Variants in IRAK2 observed in about 807,000 individuals in gnomAD.
The protein encoded by IRAK2 is interleukin 1 receptor associated kinase 2, also known as interleukin-1 receptor-associated kinase-like 2.
IRAK2 carries 57 observed loss-of-function variants against 72.0 expected under a neutral mutation model. That is an observed-to-expected ratio of 0.79 (90% CI 0.64 to 0.99). The LOEUF is 0.99. IRAK2 is among the 50% of genes least tolerant of loss of function. IRAK2 has a pLI of 0.00. For synonymous variants in IRAK2, 293 were observed against 312.7 expected (o/e 0.94, Z 0.67); for missense variants, 790 against 794.4 (o/e 0.99, Z 0.07).
At chr3:10,222,887 G>T in intron 9 of IRAK2, 56 bp downstream of exon 9, 1 of 1,478,312 alleles carries the variant, frequency 6.8e-7, no homozygotes, top group South Asian at 1.2e-5. Flanking sequence ...TCCTTCCCAC[G>T]GCTCCTTTGT....
At chr3:10,241,853 G>T (rs1322204388) in intron 12 of IRAK2, among the ~76,000 whole-genome samples, 1 of 145,376 alleles carries the variant, frequency 6.9e-6, no homozygotes, top group Non-Finnish European at 1.5e-5. Flanking sequence ...CACGCCTGTA[G>T]TCCCTGCTAC....
At position 10,173,048 on chromosome 3, in the gene IRAK2, G is replaced by A. The variant is rs187020649; in HGVS notation, c.95-4790G>A. Among the ~76,000 whole-genome samples the A allele has an allele frequency of 4.4e-3, 664 of 152,052 alleles. 2 individuals are homozygous for A. Among genetic ancestry groups the A allele is most frequent in the Non-Finnish European group, 7.5e-3 (512 of 67,982 alleles). On this transcript the variant is annotated intron_variant, in intron 1 of 12. Transcript: ENST00000256458. Reference sequence around the variant, plus strand: ...CACTTACAGCTAATACTTATATCATGTTTATTGTGTGTTAAGCACTGTTCT... The same window carrying A: ...CACTTACAGCTAATACTTATATCATATTTATTGTGTGTTAAGCACTGTTCT...
At chr3:10,187,934 G>GC (rs1697104844) in intron 2 of IRAK2, among the ~76,000 whole-genome samples, 1 of 152,106 alleles carries the variant, frequency 6.6e-6, no homozygotes, top group African/African-American at 2.4e-5. Context: ...GCTAGGGTCC[G>GC]CCATCACCCT....
chr3:10,175,890 CA>C (rs59718922), intron 1 of IRAK2, among the ~76,000 whole-genome samples: 825 of 53,676 alleles, frequency 0.015, 3 homozygotes, highest in African/African-American at 0.023. Flanking sequence ...GACTCCGTCT[CA>C]AAAAAAAAAA....
Position 10,217,002 on chromosome 3 carries a change from ACC to A in IRAK2, c.860_861del (p.Pro287LeufsTer53), listed in dbSNP as rs923785062. On this transcript the variant is annotated frameshift_variant, in exon 7 of 13. Transcript: ENST00000256458. LOFTEE classifies it high-confidence loss of function. ...GCAAGACAGTTTCACAGCTTCATCT[ACC>A]CCTACATGGCAAATGGTTCCCTACA... is the stretch of plus-strand genomic sequence containing the variant. The A allele has an allele frequency of 6.2e-7, 1 of 1,613,922 alleles. No homozygotes were observed. Among genetic ancestry groups the A allele is most frequent in the African/African-American group, 1.3e-5 (1 of 74,880 alleles).
chr3:10,219,211 A>C (rs1374224547), intron 7 of IRAK2, among the ~76,000 whole-genome samples: 1 of 152,148 alleles, frequency 6.6e-6, no homozygotes, highest in East Asian at 1.9e-4. Flanking sequence ...AACACAAAAC[A>C]ATGAAAAAAC....
chr3:10,184,143 C>T (rs1342497185), intron 2 of IRAK2, among the ~76,000 whole-genome samples: 1 of 152,200 alleles, frequency 6.6e-6, no homozygotes, highest in Non-Finnish European at 1.5e-5. Flanking sequence ...GTACACTCCA[C>T]TTCTTTTAAG....
intron 1 of IRAK2, among the ~76,000 whole-genome samples, chr3:10,170,364 C>T (rs1696775374): frequency 6.6e-6 from 1 of 152,156 alleles, no homozygotes; most frequent in Non-Finnish European, 1.5e-5. Flanking sequence ...CCTGCAAAGT[C>T]CCTTTTGCTA....
chr3:10,210,127 G>A lies in IRAK2; in HGVS notation c.528+435G>A, dbSNP rs1575975359. 3.3e-5 allele frequency among the ~76,000 whole-genome samples: 5 copies of A among 152,242 alleles called. 1 individual carries two copies. The highest frequency in any genetic ancestry group is 3.3e-4 in the Admixed American group (5 of 15,280). ...GTAGAGACGGGGTCTCACCATGTTG[G>A]CCAGCTTGGTCTCGAACTCCTGACG... On this transcript the variant is annotated intron_variant, in intron 4 of 12. Transcript: ENST00000256458.
rs1697518794 is a variant in IRAK2 at position 10,211,389 on chromosome 3, G to A, written c.528+1697G>A. Among the ~76,000 whole-genome samples, 4 of 16,060 alleles carry A rather than the reference G, an allele frequency of 2.5e-4. No individual in the cohort carries two copies. The Admixed American group carries it at 3.5e-3, about 14-fold the overall frequency. 10.5% of individuals were successfully genotyped at this position (16,060 alleles called of 152,430 possible). A position where few individuals can be genotyped will look rare whatever the true frequency, so the allele number is the denominator to read the frequency against. On this transcript the variant is annotated intron_variant, in intron 4 of 12. Transcript: ENST00000256458. Reference sequence around the variant, plus strand: ...ACTCCTGGCCTCAGAGGATCCGCCTGCCTTGGCCTCCCACATATGGTGAGA... The same window carrying A: ...ACTCCTGGCCTCAGAGGATCCGCCTACCTTGGCCTCCCACATATGGTGAGA...
At chr3:10,208,792 A>G (rs1388500375) in intron 3 of IRAK2, among the ~76,000 whole-genome samples, 1 of 151,842 alleles carries the variant, frequency 6.6e-6, no homozygotes, top group Non-Finnish European at 1.5e-5. Context: ...AATCTTTTGT[A>G]GAAACGGGAT....
chr3:10,241,566 G>GATAGATAAATAAATAA (rs1553627064), intron 12 of IRAK2, among the ~76,000 whole-genome samples: 1 of 131,740 alleles, frequency 7.6e-6, no homozygotes, highest in Non-Finnish European at 1.6e-5. Flanking sequence ...CTCAACAAAT[G>GATAGATAAATAAATAA]ATAAATAAAT....
At chr3:10,205,130 G>A (rs1434078363) in intron 3 of IRAK2, among the ~76,000 whole-genome samples, 1 of 152,162 alleles carries the variant, frequency 6.6e-6, no homozygotes, top group Non-Finnish European at 1.5e-5. Flanking sequence ...AGTTTGTATG[G>A]AATCCAGGGA....
At chr3:10,205,538 C>A (rs1697422111) in intron 3 of IRAK2, among the ~76,000 whole-genome samples, 1 of 152,208 alleles carries the variant, frequency 6.6e-6, no homozygotes, top group Non-Finnish European at 1.5e-5. Context: ...GTGAGGCAAG[C>A]TCTGACCTCA....
intron 1 of IRAK2, among the ~76,000 whole-genome samples, chr3:10,173,597 G>A (rs1386608433): frequency 4.6e-5 from 7 of 152,136 alleles, no homozygotes. Flanking sequence ...CAAGGAGGGT[G>A]GATCACTTGA....
In IRAK2 at chr3:10,188,619, C is replaced by T. The variant is rs557317927; in HGVS notation, c.277+10599C>T. Among the ~76,000 whole-genome samples, 38 of 152,336 alleles carry T rather than the reference C, an allele frequency of 2.5e-4. No homozygotes were observed. The South Asian group carries it at 6.4e-3, about 26-fold the overall frequency. ...TCGGCTCACCACAACCTCTGCCTCC[C>T]GGGTTCAAGCGATTCTCCTGCCTGA... On this transcript the variant is annotated intron_variant, in intron 2 of 12. Coordinates refer to ENST00000256458, the MANE Select transcript of IRAK2 (RefSeq NM_001570.4).
At chr3:10,167,568 C>G (rs1457376586) in intron 1 of IRAK2, among the ~76,000 whole-genome samples, 1 of 152,098 alleles carries the variant, frequency 6.6e-6, no homozygotes, top group African/African-American at 2.4e-5. Context: ...GTGCCTGCCA[C>G]CATGCCCGGC....
intron 11 of IRAK2, 91 bp downstream of exon 11, chr3:10,234,750 A>C: frequency 2.7e-6 from 3 of 1,130,162 alleles, no homozygotes; most frequent in Non-Finnish European, 3.8e-6. Context: ...TGGTGCACAA[A>C]CCAGGGTTGT....
At chr3:10,223,985 A>G (rs1388479179) in intron 9 of IRAK2, among the ~76,000 whole-genome samples, 3 of 151,986 alleles carry the variant, frequency 2.0e-5, no homozygotes, top group Non-Finnish European at 4.4e-5. Flanking sequence ...CCTCAGCCCC[A>G]CTGCAAGTTG....
Sources: allele counts gnomAD v4.1 joint callset (sites outside exome capture counted in the v4.1 genomes callset), GRCh38; gene constraint gnomAD v4.1.1; transcripts MANE v1.5; gene names NCBI Gene and HGNC (gene_info 2026-07-23, HGNC 2026-07-21).